The following ATRN variants were observed in gnomAD, a reference collection of about 807,000 sequenced individuals.
ATRN encodes the protein attractin-2.
Under a neutral mutation model 178.7 loss-of-function variants are expected in ATRN, and 54 were observed. That is an observed-to-expected ratio of 0.30 (90% CI 0.24 to 0.38). ATRN has a LOEUF of 0.38. Ranked by LOEUF, ATRN falls within the 10% of genes least tolerant of loss-of-function variation. The pLI is 1.00. For missense variants in ATRN, 1,443 were observed against 1,815.1 expected (o/e 0.79, Z 3.73); for synonymous variants, 636 against 663.0 (o/e 0.96, Z 0.63).
At chr20:3,627,791 G>A (rs535405963) in intron 25 of ATRN, among the ~76,000 whole-genome samples, 2 of 152,318 alleles carry the variant, frequency 1.3e-5, no homozygotes, top group African/African-American at 4.8e-5. Flanking sequence ...TAAGGAGCCT[G>A]AATAGTTCTG....
chr20:3,487,133 TAA>T, intron 1 of ATRN, among the ~76,000 whole-genome samples: 1 of 152,252 alleles, frequency 6.6e-6, no homozygotes, highest in Non-Finnish European at 1.5e-5. Context: ...ACTGTATTTT[TAA>T]TTTCTAGAGG....
intron 1 of ATRN, among the ~76,000 whole-genome samples, chr20:3,481,193 C>T (rs1207521189): frequency 6.6e-6 from 1 of 152,082 alleles, no homozygotes. Flanking sequence ...CTTATGAGGG[C>T]TTTCTTATAT....
intron 1 of ATRN, among the ~76,000 whole-genome samples, chr20:3,506,471 A>G (rs1444561670): frequency 2.0e-5 from 3 of 152,106 alleles, no homozygotes; most frequent in Admixed American, 2.0e-4. Flanking sequence ...TAAAAATACA[A>G]AAATTAGCTG....
chr20:3,610,151 A>C (rs1057413534), intron 24 of ATRN, among the ~76,000 whole-genome samples: 2 of 152,266 alleles, frequency 1.3e-5, no homozygotes, highest in Non-Finnish European at 2.9e-5. Context: ...AGTCTTTAAA[A>C]ATCACAGCAA....
intron 25 of ATRN, among the ~76,000 whole-genome samples, chr20:3,625,998 A>C (rs2086935393): frequency 3.3e-5 from 5 of 152,146 alleles, no homozygotes; most frequent in Non-Finnish European, 5.9e-5. Flanking sequence ...TTGGGAGACC[A>C]AAGTGGGTGG....
chr20:3,576,649 C>T (rs916519782), intron 13 of ATRN, among the ~76,000 whole-genome samples: 2 of 151,894 alleles, frequency 1.3e-5, no homozygotes, highest in Non-Finnish European at 2.9e-5. Flanking sequence ...CAGTGTTCCC[C>T]ACTGCAGAGC....
chr20:3,559,574 G>GT, intron 7 of ATRN, 91 bp downstream of exon 7: 1 of 1,067,326 alleles, frequency 9.4e-7, no homozygotes, highest in Non-Finnish European at 1.4e-6. Context: ...CTCAGTGTTG[G>GT]TTTTTAATTG....
At chr20:3,482,544 C>G (rs1265297105) in intron 1 of ATRN, among the ~76,000 whole-genome samples, 4 of 152,204 alleles carry the variant, frequency 2.6e-5, no homozygotes, top group Non-Finnish European at 5.9e-5. Flanking sequence ...AAAGGCCAAC[C>G]TGGCTATAAT....
At position 3,572,711 on chromosome 20, in the gene ATRN, C is replaced by T. The variant is rs1410816968; in HGVS notation, c.1872-20C>T. 6.3e-7 allele frequency: 1 copy of T among 1,587,972 alleles called. No individual in the cohort carries two copies. The highest frequency in any genetic ancestry group is 2.2e-5 in the East Asian group (1 of 44,486). On this transcript the variant is annotated intron_variant, in intron 11 of 28. Transcript: ENST00000262919. ...TATCTGAGTCTCTAGTAAATTTCTT[C>T]TCTCCCTTTTTCCTCTTAGCACCAT...
intron 12 of ATRN, 98 bp downstream of exon 12, chr20:3,573,049 C>T: frequency 9.2e-7 from 1 of 1,085,306 alleles, no homozygotes; most frequent in Non-Finnish European, 1.3e-6. Flanking sequence ...TTTATGTTTA[C>T]CTTATCCAAA....
Position 3,471,519 on chromosome 20 carries a change from T to A in ATRN, c.410+2T>A. On this transcript the variant is annotated splice_donor_variant, in intron 1 of 28. Transcript: ENST00000262919. LOFTEE classifies it high-confidence loss of function. ...CCAGCACTGCGGGGGCCGCTTCAGG[T>A]GAGTGGCGGGTGGTGTCGGAGGGTC... 1 of 1,393,398 alleles carries A rather than the reference T, an allele frequency of 7.2e-7. No homozygotes were observed. The highest frequency in any genetic ancestry group is 9.2e-7 in the Non-Finnish European group (1 of 1,081,200). 86.3% of individuals were successfully genotyped at this position (1,393,398 alleles called of 1,614,324 possible). A position where few individuals can be genotyped will look rare whatever the true frequency, so the allele number is the denominator to read the frequency against.
intron 1 of ATRN, among the ~76,000 whole-genome samples, chr20:3,484,203 C>T (rs555077507): frequency 4.0e-5 from 6 of 151,570 alleles, no homozygotes; most frequent in Non-Finnish European, 7.4e-5. Context: ...GAGCTAAGAT[C>T]ACACTACTGC....
chr20:3,504,730 A>AATG (rs2085016620), intron 1 of ATRN, among the ~76,000 whole-genome samples: 1 of 133,210 alleles, frequency 7.5e-6, no homozygotes. Context: ...TAATAATAAT[A>AATG]ATAATAATAG....
chr20:3,643,580 C>T (rs189116142), intron 27 of ATRN, among the ~76,000 whole-genome samples: 9 of 152,030 alleles, frequency 5.9e-5, no homozygotes, highest in Admixed American at 1.3e-4. Flanking sequence ...AAGGCTGCAA[C>T]AGAAGATGAA....
At chr20:3,481,526 T>A (rs1053172141) in intron 1 of ATRN, among the ~76,000 whole-genome samples, 2 of 152,090 alleles carry the variant, frequency 1.3e-5, no homozygotes, top group African/African-American at 2.4e-5. Context: ...TTTTTAATTT[T>A]GTGGAGATGA....
At chr20:3,639,753 T>C (rs1034215460) in intron 27 of ATRN, among the ~76,000 whole-genome samples, 5 of 152,176 alleles carry the variant, frequency 3.3e-5, no homozygotes, top group Non-Finnish European at 5.9e-5. Context: ...CATACTTATT[T>C]AAAATGTTAC....
intron 1 of ATRN, chr20:3,489,773 G>A: frequency 7.2e-7 from 1 of 1,384,824 alleles, no homozygotes; most frequent in Non-Finnish European, 1.0e-6. Flanking sequence ...GTCACTGGAA[G>A]GCTTTGCGCC....
Position 3,638,837 on chromosome 20 carries a change from C to T in ATRN, c.3952C>T (p.Arg1318Ter). The T allele has an allele frequency of 6.2e-7, 1 of 1,614,102 alleles. No individual in the cohort carries two copies. Among genetic ancestry groups the T allele is most frequent in the Non-Finnish European group, 8.5e-7 (1 of 1,179,978 alleles). The change falls in exon 27 of 29, where the codon CGA (arginine) becomes TGA (stop). Residue 1318 changes from arginine to a stop codon, truncating the protein, a stop_gained. Coordinates refer to ENST00000262919, the MANE Select transcript of ATRN (RefSeq NM_139321.3). LOFTEE classifies it high-confidence loss of function. The surrounding 1 kb of genome is among the most constrained non-coding windows in gnomAD (Gnocchi z 4.5). ...WASRRREQLL[R>*]EMQQMASRPF... is the part of the protein sequence containing the mutation. Reference sequence around the variant, plus strand: ...CCATATTATTTATCAGCAACTTCTTCGAGAGATGCAACAGATGGCCAGCCG... The same window carrying T: ...CCATATTATTTATCAGCAACTTCTTTGAGAGATGCAACAGATGGCCAGCCG...
intron 23 of ATRN, among the ~76,000 whole-genome samples, chr20:3,602,745 C>G (rs2086627170): frequency 6.6e-6 from 1 of 151,882 alleles, no homozygotes; most frequent in African/African-American, 2.4e-5. Context: ...AGGTGGATTA[C>G]CTGAGGTCAG....
Sources: gnomAD v4.1 joint callset for allele counts (sites outside exome capture counted in the v4.1 genomes callset) on GRCh38, gnomAD v4.1.1 for gene constraint, Gnocchi (gnomAD v3.1) non-coding constraint, MANE v1.5 for transcripts, NCBI Gene and HGNC (gene_info 2026-07-23, HGNC 2026-07-21) for gene names.